PARP12: variants seen among roughly 807,000 people sequenced by gnomAD.
PARP12 encodes the protein poly(ADP-ribose) polymerase family member 12.
PARP12 carries 59 observed loss-of-function variants against 72.4 expected under a neutral mutation model. The ratio of observed to expected loss-of-function variants is 0.81; its 90% confidence interval spans 0.66 to 1.01. PARP12 has a LOEUF of 1.01. PARP12 is among the 50% of genes least tolerant of loss of function. The pLI, the probability that PARP12 is intolerant of heterozygous loss-of-function variation, is 0.00. For synonymous variants in PARP12, 403 were observed against 371.4 expected, an observed-to-expected ratio of 1.09 and a Z score of -0.98; for missense variants, 851 against 914.0, an observed-to-expected ratio of 0.93 and a Z score of 0.89.
In PARP12 at chr7:140,062,676, C is replaced by A. The variant is rs1585123251; in HGVS notation, c.172G>T (p.Ala58Ser). The A allele has an allele frequency of 7.9e-7, 1 of 1,266,904 alleles. No homozygotes were observed. The highest frequency in any genetic ancestry group is 9.9e-7 in the Non-Finnish European group (1 of 1,009,594). The allele number at this position is 1,266,904 out of a possible 1,614,324, so 78.5% of individuals were successfully genotyped here. A position where few individuals can be genotyped will look rare whatever the true frequency, so the allele number is the denominator to read the frequency against. The change falls in exon 1 of 12, where the codon GCA (alanine) becomes TCA (serine). Residue 58 changes from alanine (A) to serine (S), a missense_variant. Physicochemically the swap from Ala to Ser is moderately conservative, Grantham distance 99. Around this residue, in one of 3 missense-constraint regions of PARP12, gnomAD observed 492 missense variants for 489.3 expected, o/e 1.01. Transcript: ENST00000263549. The part of the protein sequence containing the change: ...RFVVAVRAGG[A>S]AAAPERVVLA... Reference sequence around the variant, plus strand: ...ACCACGCGCTCCGGGGCCGCGGCTGCGCCGCCCGCCCGCACCGCCACCACG... The same window carrying A: ...ACCACGCGCTCCGGGGCCGCGGCTGAGCCGCCCGCCCGCACCGCCACCACG...
intron 1 of PARP12, 81 bp downstream of exon 1, chr7:140,062,441 A>T (rs1480192655): frequency 1.5e-6 from 2 of 1,372,732 alleles, no homozygotes; most frequent in Non-Finnish European, 9.7e-7. Context: ...TCAAACTTCA[A>T]GTAGGACCCC....
chr7:140,024,641 G>T lies in PARP12; in HGVS notation c.2025C>A (p.Ile675=), dbSNP rs764406995. The T allele has an allele frequency of 3.1e-6, 5 of 1,614,182 alleles. No individual in the cohort carries two copies. The South Asian group carries it at 5.5e-5, about 18-fold the overall frequency. The change falls in exon 12 of 12, where the codon ATC becomes ATA. Residue 675 remains isoleucine, a synonymous_variant. Transcript: ENST00000263549. The part of the protein sequence containing the change: ...EKHQVYPEYV[I]QYTTSSKPSV... Reference sequence around the variant, plus strand: ...AGGGCTTGGAGGAGGTGGTGTACTGGATGACATACTCTGGGTAGACCTGGT... The same window carrying T: ...AGGGCTTGGAGGAGGTGGTGTACTGTATGACATACTCTGGGTAGACCTGGT...
intron 10 of PARP12, 78 bp downstream of exon 10, chr7:140,027,198 C>T (rs1815770381): frequency 6.4e-7 from 1 of 1,554,972 alleles, no homozygotes; most frequent in Non-Finnish European, 8.8e-7. Flanking sequence ...TTCCTGGAAA[C>T]CCGGGCCACA....
chr7:140,053,616 C>CAT (rs920261654), intron 4 of PARP12, among the ~76,000 whole-genome samples: 1 of 152,068 alleles, frequency 6.6e-6, no homozygotes, highest in African/African-American at 2.4e-5. Flanking sequence ...TCAGAATACA[C>CAT]ATATATATGT....
intron 1 of PARP12, 109 bp from the exon 2 acceptor site, chr7:140,058,143 G>T: frequency 7.9e-7 from 1 of 1,258,516 alleles, no homozygotes; most frequent in Non-Finnish European, 1.1e-6. Flanking sequence ...TTGGAAAGAA[G>T]GTCTCTAAAG....
chr7:140,033,909 A>C (rs1345497151), intron 8 of PARP12: 2 of 1,004,154 alleles, frequency 2.0e-6, no homozygotes, highest in African/African-American at 3.5e-5. Context: ...TAAAAAATTC[A>C]AGTCTATGAC....
At position 140,024,785 on chromosome 7, in the gene PARP12, G is replaced by A. The variant is rs146061317; in HGVS notation, c.1881C>T (p.Phe627=). ...GGACAAAGGAGGCATTGCCCCTGAC[G>A]AACTCGCCCACCAGCACCCGGGCCA... ...MFLARVLVGE[F]VRGNASFVRP... is the part of the protein sequence containing the mutation. The change falls in exon 12 of 12, where the codon TTC becomes TTT. Residue 627 remains phenylalanine, a synonymous_variant. Coordinates refer to ENST00000263549, the MANE Select transcript of PARP12 (RefSeq NM_022750.4). 40 of 1,614,044 alleles carry A rather than the reference G, an allele frequency of 2.5e-5. No homozygotes were observed. The highest frequency in any genetic ancestry group is 8.0e-5 in the African/African-American group (6 of 74,920).
intron 1 of PARP12, among the ~76,000 whole-genome samples, chr7:140,059,238 TGAG>T (rs1370827601): frequency 6.6e-6 from 1 of 152,190 alleles, no homozygotes; most frequent in African/African-American, 2.4e-5. Context: ...AAGCATTTGA[TGAG>T]AATGACAAAG....
Position 140,024,591 on chromosome 7 carries a change from G to A in PARP12, c.2075C>T (p.Ala692Val), listed in dbSNP as rs780367276. ...KPSVTPSILLALGSLFSSRQ is the reference protein window; with the variant it reads ...KPSVTPSILLVLGSLFSSRQ Reference sequence around the variant, plus strand: ...TCGGCTGCTGAACAGGGAGCCCAAGGCCAGCAGGATGGAGGGTGTGACCGA... The same window carrying A: ...TCGGCTGCTGAACAGGGAGCCCAAGACCAGCAGGATGGAGGGTGTGACCGA... The change falls in exon 12 of 12, where the codon GCC becomes GTC. Residue 692 changes from alanine to valine, a missense_variant. Ala to Val is a moderately conservative substitution (Grantham distance 64). This residue lies in a region of PARP12 where 347 missense variants were observed against 396.1 expected (regional missense o/e 0.88). Transcript: ENST00000263549. 20 of 1,614,082 alleles carry A rather than the reference G, an allele frequency of 1.2e-5. No individual in the cohort carries two copies. The highest frequency in any genetic ancestry group is 1.6e-4 in the Middle Eastern group (1 of 6,084).
chr7:140,030,861 T>A (rs1422820713), intron 8 of PARP12, among the ~76,000 whole-genome samples: 1 of 152,336 alleles, frequency 6.6e-6, no homozygotes, highest in South Asian at 2.1e-4. Flanking sequence ...CCAATTCTTT[T>A]TCCTCTAATG....
intron 6 of PARP12, among the ~76,000 whole-genome samples, chr7:140,039,705 C>T (rs1442617643): frequency 6.6e-6 from 1 of 151,988 alleles, no homozygotes; most frequent in African/African-American, 2.4e-5. Flanking sequence ...TAACAGAAAA[C>T]TAAAAAAGAA....
rs769208359 is a variant in PARP12 at position 140,037,731 on chromosome 7, G to A, written c.1308C>T (p.Tyr436=). 1.4e-5 allele frequency: 22 copies of A among 1,614,174 alleles called. No homozygotes were observed. The highest frequency in any genetic ancestry group is 1.7e-4 in the Middle Eastern group (1 of 6,060). Residue 436 remains tyrosine (Y), a synonymous_variant, in exon 7 of 12, where the codon TAC becomes TAT. Transcript: ENST00000263549. Reference sequence around the variant, plus strand: ...ACAGGATACCTTTGAAATCTAACTCGTAGTTGTGCTTTCCGGCCTGGAACT... The same window carrying A: ...ACAGGATACCTTTGAAATCTAACTCATAGTTGTGCTTTCCGGCCTGGAACT... ...TLKFQAGKHN[Y]ELDFKAFVQK...
chr7:140,062,614 G>T lies in PARP12; in HGVS notation c.234C>A (p.His78Gln), dbSNP rs1351368098. ...AASPLRLCRAHQGSKPGCVGL... is the reference protein window; with the variant it reads ...AASPLRLCRAQQGSKPGCVGL... ...CCACGCAGCCCGGCTTGGAGCCCTG[G>T]TGCGCGCGACACAGGCGCAGCGGCG... is the stretch of plus-strand genomic sequence containing the variant. Residue 78 changes from histidine (H) to glutamine (Q), a missense_variant, in exon 1 of 12, where the codon CAC becomes CAA. Physicochemically the swap from His to Gln is conservative, Grantham distance 24 (BLOSUM62 0). Transcript: ENST00000263549. The T allele has an allele frequency of 6.6e-7, 1 of 1,506,626 alleles. No homozygotes were observed. Among genetic ancestry groups the T allele is most frequent in the Admixed American group, 2.0e-5 (1 of 48,826 alleles). The allele number at this position is 1,506,626 out of a possible 1,614,324, so 93.3% of individuals were successfully genotyped here. A position where few individuals can be genotyped will look rare whatever the true frequency, so the allele number is the denominator to read the frequency against.
At chr7:140,061,635 C>T (rs968028296) in intron 1 of PARP12, among the ~76,000 whole-genome samples, 20 of 152,160 alleles carry the variant, frequency 1.3e-4, no homozygotes, top group African/African-American at 4.8e-4. Context: ...TGCCATTTTA[C>T]CCGCCCCATC....
rs751481553 is a variant in PARP12 at position 140,056,817 on chromosome 7, G to A, written c.760+39C>T. ...GGGAACCCCCAGCCCAGGACCTCCCGTGCTCCCCACCAGCCTTACCACTCC... is the reference window on the plus strand; with the variant it reads ...GGGAACCCCCAGCCCAGGACCTCCCATGCTCCCCACCAGCCTTACCACTCC... On this transcript the variant is annotated intron_variant, in intron 3 of 11. Coordinates refer to ENST00000263549, the MANE Select transcript of PARP12 (RefSeq NM_022750.4). The A allele has an allele frequency of 2.5e-5, 39 of 1,535,872 alleles. No homozygotes were observed. The Admixed American group carries it at 3.3e-4, about 13-fold the overall frequency.
intron 5 of PARP12, among the ~76,000 whole-genome samples, chr7:140,045,474 C>A (rs1215536579): frequency 6.6e-6 from 1 of 152,168 alleles, no homozygotes; most frequent in Non-Finnish European, 1.5e-5. Flanking sequence ...ATTAAGTAAT[C>A]TGGCCAAATT....
At chr7:140,026,152 G>A (rs1815729045) in intron 11 of PARP12, 45 bp downstream of exon 11, 3 of 1,613,844 alleles carry the variant, frequency 1.9e-6, no homozygotes, top group East Asian at 2.2e-5. Context: ...CTATGCAGGG[G>A]CAAAGCAACA....
chr7:140,045,029 CT>C (rs71520068), intron 5 of PARP12, among the ~76,000 whole-genome samples: 415 of 141,396 alleles, frequency 2.9e-3, no homozygotes, highest in Middle Eastern at 3.6e-3. Flanking sequence ...GCATCTTTTT[CT>C]TTTTTTTTTT....
intron 11 of PARP12, 28 bp from the exon 12 acceptor site, chr7:140,024,913 G>T: frequency 6.2e-7 from 1 of 1,603,256 alleles, no homozygotes; most frequent in Non-Finnish European, 8.5e-7. Flanking sequence ...GGCTCAGCTG[G>T]TGGAGGGGCC....
Sources: gnomAD v4.1 joint callset for allele counts (sites outside exome capture counted in the v4.1 genomes callset) on GRCh38, gnomAD v4.1.1 for gene constraint, gnomAD v4.1.1 regional missense constraint, MANE v1.5 for transcripts, NCBI Gene and HGNC (gene_info 2026-07-23, HGNC 2026-07-21) for gene names.